Variants in NKAIN2 observed in about 807,000 individuals in gnomAD.
NKAIN2 encodes the protein sodium/potassium-transporting ATPase subunit beta-1-interacting protein 2.
A neutral mutation model predicts 32.6 loss-of-function variants in NKAIN2; 14 were observed. That is an observed-to-expected ratio of 0.43 (90% CI 0.28 to 0.67). The LOEUF is 0.67. Among genes scored for constraint, NKAIN2 ranks in the 30% least tolerant of loss-of-function variants. The pLI is 0.17. For missense variants in NKAIN2, 198 were observed against 258.3 expected, an observed-to-expected ratio of 0.77 and a Z score of 1.60; for synonymous variants, 80 against 87.2, an observed-to-expected ratio of 0.92 and a Z score of 0.46.
intron 3 of NKAIN2, among the ~76,000 whole-genome samples, chr6:124,438,482 C>A (rs1775554650): frequency 6.6e-6 from 1 of 152,152 alleles, no homozygotes; most frequent in Admixed American, 6.5e-5. Context: ...TGACTCTTAA[C>A]TGTGCTTCCT....
Position 124,741,387 on chromosome 6 carries a change from G to A in NKAIN2, c.475-49952G>A, listed in dbSNP as rs562393637. 3.9e-5 allele frequency among the ~76,000 whole-genome samples: 6 copies of A among 151,920 alleles called. No individual in the cohort carries two copies. The South Asian group carries it at 1.2e-3, about 31-fold the overall frequency. On this transcript the variant is annotated intron_variant, in intron 4 of 6. Coordinates refer to ENST00000368417, the MANE Select transcript of NKAIN2 (RefSeq NM_001040214.3). ...TTTTCAATGAATATTCATTTGAAAT[G>A]AATGTAGAAATCCAGTAGAAATGGT...
At chr6:124,104,645 A>G (rs1221979167) in intron 1 of NKAIN2, among the ~76,000 whole-genome samples, 1 of 152,234 alleles carries the variant, frequency 6.6e-6, no homozygotes, top group Non-Finnish European at 1.5e-5. Context: ...AAAAGCATCT[A>G]AAATAAAGGG....
chr6:124,639,992 C>T (rs1337222939), intron 3 of NKAIN2, among the ~76,000 whole-genome samples: 2 of 151,862 alleles, frequency 1.3e-5, no homozygotes, highest in Non-Finnish European at 1.5e-5. Context: ...TGAATGTCTC[C>T]AACACAAAGG....
chr6:124,824,344 A>C lies in NKAIN2; in HGVS notation c.*1115A>C, dbSNP rs998721012. ...ACTTTTTTTTCTAACTTCAGTGTAC[A>C]AGATTATTTTTGGGTGGGTGGGGGG... is the stretch of plus-strand genomic sequence containing the variant. On this transcript the variant is annotated 3_prime_UTR_variant, in exon 7 of 7. Coordinates refer to ENST00000368417, the MANE Select transcript of NKAIN2 (RefSeq NM_001040214.3). The C allele has an allele frequency of 2.0e-5, 3 of 152,444 alleles. No homozygotes were observed. Among genetic ancestry groups the C allele is most frequent in the African/African-American group, 4.8e-5 (2 of 41,398 alleles). The allele number at this position is 152,444 out of a possible 1,614,324, so 9.4% of individuals were successfully genotyped here. A position where few individuals can be genotyped will look rare whatever the true frequency, so the allele number is the denominator to read the frequency against.
chr6:124,696,626 A>T (rs1422005984), intron 4 of NKAIN2, among the ~76,000 whole-genome samples: 1 of 152,174 alleles, frequency 6.6e-6, no homozygotes, highest in African/African-American at 2.4e-5. Flanking sequence ...ACAGAAGCAA[A>T]TACTTAGCTA....
intron 5 of NKAIN2, among the ~76,000 whole-genome samples, chr6:124,814,117 C>T (rs1318056441): frequency 1.3e-5 from 2 of 152,128 alleles, no homozygotes; most frequent in African/African-American, 2.4e-5. Context: ...CAAAAAGTTC[C>T]ATATGTGGTT....
In NKAIN2 at chr6:124,748,853, T is replaced by TAA. The variant is rs5879757; in HGVS notation, c.475-42476_475-42475dup. Among the ~76,000 whole-genome samples the TAA allele has an allele frequency of 6.4e-3, 950 of 148,338 alleles. 12 individuals carry two copies. Among genetic ancestry groups the TAA allele is most frequent in the African/African-American group, 0.02 (799 of 40,716 alleles). On this transcript the variant is annotated intron_variant, in intron 4 of 6. Coordinates refer to ENST00000368417, the MANE Select transcript of NKAIN2 (RefSeq NM_001040214.3). ...CCAGCTCTGATATTAACTTCTAATT[T>TAA]AAAAAAAAAAAGAAGTGTGCAAGTA...
chr6:124,586,135 C>A (rs1264486198), intron 3 of NKAIN2, among the ~76,000 whole-genome samples: 2 of 152,100 alleles, frequency 1.3e-5, no homozygotes, highest in Non-Finnish European at 2.9e-5. Context: ...TCCATCATAG[C>A]CCCTGGAAAC....
intron 1 of NKAIN2, among the ~76,000 whole-genome samples, chr6:123,954,589 G>C (rs570436131): frequency 5.9e-5 from 9 of 152,234 alleles, no homozygotes; most frequent in African/African-American, 2.2e-4. Flanking sequence ...TCACTATTTT[G>C]GTTTTTCTTT....
intron 1 of NKAIN2, among the ~76,000 whole-genome samples, chr6:124,094,103 T>G (rs1270377497): frequency 6.6e-6 from 1 of 152,162 alleles, no homozygotes; most frequent in African/African-American, 2.4e-5. Flanking sequence ...ATAATGCAAG[T>G]CTGCCATGTA....
chr6:124,377,644 G>A (rs943199682), intron 3 of NKAIN2, among the ~76,000 whole-genome samples: 6 of 152,060 alleles, frequency 3.9e-5, no homozygotes, highest in African/African-American at 1.4e-4. Flanking sequence ...AAATGTGAGG[G>A]GTGAGGCTGG....
At chr6:124,785,414 T>C (rs1160690559) in intron 4 of NKAIN2, among the ~76,000 whole-genome samples, 4 of 152,198 alleles carry the variant, frequency 2.6e-5, no homozygotes, top group African/African-American at 7.2e-5. Context: ...TGGCTGTCTT[T>C]TCATTCAGTT....
chr6:124,412,599 C>T (rs189694139), intron 3 of NKAIN2, among the ~76,000 whole-genome samples: 36 of 152,278 alleles, frequency 2.4e-4, no homozygotes, highest in African/African-American at 8.4e-4. Context: ...GGGGTGCCTC[C>T]CAGTTAGGCT....
chr6:124,635,757 C>G (rs530690364), intron 3 of NKAIN2, among the ~76,000 whole-genome samples: 1 of 152,040 alleles, frequency 6.6e-6, no homozygotes, highest in African/African-American at 2.4e-5. Context: ...TATAAATAGA[C>G]ATGCACCCAA....
intron 1 of NKAIN2, among the ~76,000 whole-genome samples, chr6:124,216,598 T>A (rs1054358494): frequency 1.3e-5 from 2 of 152,198 alleles, no homozygotes; most frequent in African/African-American, 4.8e-5. Flanking sequence ...TTTCACTGTT[T>A]TAAACGGCCT....
At chr6:124,728,446 C>A (rs1317725321) in intron 4 of NKAIN2, among the ~76,000 whole-genome samples, 27 of 107,910 alleles carry the variant, frequency 2.5e-4, no homozygotes, top group Non-Finnish European at 3.2e-4. Flanking sequence ...ACAACCTGCT[C>A]CTGAATGACT....
At chr6:124,579,691 C>T (rs1355205217) in intron 3 of NKAIN2, among the ~76,000 whole-genome samples, 1 of 152,100 alleles carries the variant, frequency 6.6e-6, no homozygotes, top group Non-Finnish European at 1.5e-5. Flanking sequence ...GAGAACTTCC[C>T]AAACTTAGAG....
intron 3 of NKAIN2, among the ~76,000 whole-genome samples, chr6:124,430,580 C>T (rs1375764388): frequency 2.6e-5 from 4 of 151,982 alleles, no homozygotes; most frequent in Non-Finnish European, 4.4e-5. Context: ...CCTTCCATCT[C>T]TTTACAGTAT....
At chr6:124,202,723 C>T (rs936875532) in intron 1 of NKAIN2, among the ~76,000 whole-genome samples, 11 of 151,948 alleles carry the variant, frequency 7.2e-5, no homozygotes, top group African/African-American at 2.7e-4. Context: ...CAGCTGGACA[C>T]GTTACCCCTA....
Sources: allele counts gnomAD v4.1 joint callset (sites outside exome capture counted in the v4.1 genomes callset), GRCh38; gene constraint gnomAD v4.1.1; transcripts MANE v1.5; gene names NCBI Gene and HGNC (gene_info 2026-07-23, HGNC 2026-07-21).